OMA1: variants seen among roughly 807,000 people sequenced by gnomAD.
OMA1 encodes OMA1 zinc metallopeptidase.
Under a neutral mutation model 30.9 loss-of-function variants are expected in OMA1, and 38 were observed. The ratio of observed to expected loss-of-function variants is 1.23; its 90% CI spans 0.95 to 1.61. The LOEUF (loss-of-function observed/expected upper bound fraction) is 1.61. Among genes scored for constraint, OMA1 ranks in the 40% most tolerant of loss-of-function variants. The pLI is 0.00. For synonymous variants in OMA1, 173 were observed against 121.9 expected (o/e 1.42, Z -2.76); for missense variants, 461 against 349.2 (o/e 1.32, Z -2.55).
At chr1:58,484,429 T>G (rs1213888572) in intron 8 of OMA1, among the ~76,000 whole-genome samples, 1 of 152,182 alleles carries the variant, frequency 6.6e-6, no homozygotes, top group Non-Finnish European at 1.5e-5. Flanking sequence ...TTATCAACCT[T>G]TAATGTCACC....
chr1:58,520,890 C>T lies in OMA1; in HGVS notation c.1215+6371G>A, dbSNP rs569009756. Among the ~76,000 whole-genome samples the T allele has an allele frequency of 3.3e-5, 5 of 151,270 alleles. No individual in the cohort carries two copies. In the East Asian group the frequency reaches 9.7e-4, roughly 29 times the overall value. On this transcript the variant is annotated intron_variant, in intron 7 of 8. Transcript: ENST00000371226. ...ATTACCAAACCTCTCTTGATAACTA[C>T]AAAAAAAAGGAAAAAAAATCAGCAA...
At chr1:58,533,844 A>C in intron 5 of OMA1, 109 bp downstream of exon 5, 1 of 722,024 alleles carries the variant, frequency 1.4e-6, no homozygotes, top group Non-Finnish European at 2.5e-6. Context: ...CCCAAAACTA[A>C]AAGTCTATCA....
chr1:58,519,293 T>C (rs930459217), intron 7 of OMA1, among the ~76,000 whole-genome samples: 1 of 152,170 alleles, frequency 6.6e-6, no homozygotes, highest in Non-Finnish European at 1.5e-5. Context: ...ACATGAGATA[T>C]TTTGATAGAG....
At chr1:58,495,762 T>A (rs888207569) in intron 8 of OMA1, among the ~76,000 whole-genome samples, 1 of 152,152 alleles carries the variant, frequency 6.6e-6, no homozygotes, top group African/African-American at 2.4e-5. Flanking sequence ...TCCACTGTTT[T>A]TTGTTTTGTT....
In OMA1 at chr1:58,539,255, G is replaced by A. The variant is rs1646565708; in HGVS notation, c.40C>T (p.His14Tyr). The A allele has an allele frequency of 1.2e-6, 1 of 867,938 alleles. No individual in the cohort carries two copies. Among genetic ancestry groups the A allele is most frequent in the Admixed American group, 1.7e-5 (1 of 58,276 alleles). The allele number at this position is 867,938 out of a possible 1,614,324, so 53.8% of individuals were successfully genotyped here. Residue 14 changes from histidine (H) to tyrosine (Y), a missense_variant, in exon 2 of 9, where the codon CAT becomes TAT. Coordinates refer to ENST00000371226, the MANE Select transcript of OMA1 (RefSeq NM_145243.5). ...AGTGAATTAAATCGGAAGAAAACAT[G>A]GTTTCTAGCAGCAGACTGCAATCCA... Reference protein sequence around the residue: ...ICGLQSAARNHVFFRFNSLSN... With the variant: ...ICGLQSAARNYVFFRFNSLSN...
At chr1:58,513,541 T>G (rs1183084969) in intron 7 of OMA1, among the ~76,000 whole-genome samples, 2 of 152,148 alleles carry the variant, frequency 1.3e-5, no homozygotes, top group Non-Finnish European at 2.9e-5. Context: ...GAACTAATAA[T>G]GGCTACCGCT....
At chr1:58,482,395 T>TA (rs2100351227) in intron 8 of OMA1, among the ~76,000 whole-genome samples, 1 of 152,326 alleles carries the variant, frequency 6.6e-6, no homozygotes, top group Non-Finnish European at 1.5e-5. Context: ...CTGATTTAAG[T>TA]AACTAGCCTT....
chr1:58,511,156 C>T, intron 7 of OMA1, among the ~76,000 whole-genome samples: 1 of 152,106 alleles, frequency 6.6e-6, no homozygotes, highest in East Asian at 1.9e-4. Context: ...CCACAACTAA[C>T]CCCAAATCGC....
chr1:58,500,108 C>A (rs971182950), intron 8 of OMA1, among the ~76,000 whole-genome samples: 1 of 152,108 alleles, frequency 6.6e-6, no homozygotes, highest in Non-Finnish European at 1.5e-5. Context: ...TCATTACTTT[C>A]CCCTTTCCCC....
chr1:58,505,555 T>A (rs1480361778), intron 8 of OMA1, among the ~76,000 whole-genome samples: 1 of 152,130 alleles, frequency 6.6e-6, no homozygotes, highest in Non-Finnish European at 1.5e-5. Flanking sequence ...AGAGAGCAAA[T>A]GCTTCACTCT....
chr1:58,531,972 G>A (rs1431557990), intron 5 of OMA1, among the ~76,000 whole-genome samples: 1 of 152,088 alleles, frequency 6.6e-6, no homozygotes, highest in Non-Finnish European at 1.5e-5. Context: ...CTCCCAAAGT[G>A]CTGGGATTAC....
At chr1:58,546,585 C>G (rs1047614596) in intron 1 of OMA1, 118 bp downstream of exon 1, 4 of 152,434 alleles carry the variant, frequency 2.6e-5, no homozygotes, top group African/African-American at 9.7e-5. Flanking sequence ...ACTCCTTGCC[C>G]GGGCGCCCCC....
At chr1:58,542,296 T>C (rs925758473) in intron 1 of OMA1, among the ~76,000 whole-genome samples, 15 of 152,236 alleles carry the variant, frequency 9.9e-5, no homozygotes, top group Non-Finnish European at 1.8e-4. Flanking sequence ...AATTTAAGCC[T>C]AGAAGTCATT....
intron 6 of OMA1, among the ~76,000 whole-genome samples, chr1:58,528,857 G>A (rs140941819): frequency 6.6e-4 from 101 of 152,150 alleles, no homozygotes; most frequent in African/African-American, 2.3e-3. Context: ...CTTGATTTAG[G>A]AAAAAATAAT....
At chr1:58,545,084 G>A (rs996934927) in intron 1 of OMA1, among the ~76,000 whole-genome samples, 40 of 152,082 alleles carry the variant, frequency 2.6e-4, no homozygotes, top group Non-Finnish European at 3.7e-4. Flanking sequence ...TGGCGAACCA[G>A]GCCCTCCTAC....
rs1479011191 is a variant in OMA1 at position 58,481,024 on chromosome 1, T to G, written c.1516A>C (p.Ile506Leu). ...TKKQKMDTLP[I>L]QKQEQIPLTY... Reference sequence around the variant, plus strand: ...AATGGTATTTGCTCCTGTTTTTGAATAGGAAGAGTATCCATTTTCTGTTTC... The same window carrying G: ...AATGGTATTTGCTCCTGTTTTTGAAGAGGAAGAGTATCCATTTTCTGTTTC... Residue 506 changes from isoleucine to leucine, a missense_variant, in exon 9 of 9, where the codon ATT becomes CTT. Ile to Leu is a conservative substitution (Grantham distance 5, BLOSUM62 2). Transcript: ENST00000371226. 4 of 871,780 alleles carry G rather than the reference T, an allele frequency of 4.6e-6. No individual in the cohort carries two copies. Among genetic ancestry groups the G allele is most frequent in the Non-Finnish European group, 6.0e-6 (3 of 501,252 alleles). The allele number at this position is 871,780 out of a possible 1,614,324, so 54.0% of individuals were successfully genotyped here.
chr1:58,531,732 C>CA (rs1646437139), intron 5 of OMA1, among the ~76,000 whole-genome samples: 1 of 150,494 alleles, frequency 6.6e-6, no homozygotes, highest in Non-Finnish European at 1.5e-5. Flanking sequence ...TTTTTTGAGA[C>CA]AGAGTCTTGC....
intron 3 of OMA1, among the ~76,000 whole-genome samples, chr1:58,535,129 T>C (rs4912345): frequency 2.0e-5 from 3 of 152,128 alleles, no homozygotes; most frequent in Non-Finnish European, 4.4e-5. Flanking sequence ...AATTACTGAA[T>C]TCTCAGAACT....
intron 6 of OMA1, 114 bp from the exon 7 acceptor site, chr1:58,527,449 A>G: frequency 1.5e-6 from 1 of 649,190 alleles, no homozygotes; most frequent in South Asian, 1.7e-5. Context: ...TAAAATTCCT[A>G]TACTGTCTAC....
Sources: allele counts gnomAD v4.1 joint callset (sites outside exome capture counted in the v4.1 genomes callset), GRCh38; gene constraint gnomAD v4.1.1; transcripts MANE v1.5; gene names NCBI Gene and HGNC (gene_info 2026-07-23, HGNC 2026-07-21).